The following TPH2 variants were observed in gnomAD, a reference collection of about 807,000 sequenced individuals.
The protein encoded by TPH2 is tryptophan hydroxylase 2, also known as tryptophan 5-hydroxylase 2.
A neutral mutation model predicts 59.1 loss-of-function variants in TPH2; 27 were observed. The ratio of observed to expected loss-of-function variants is 0.46; its 90% CI spans 0.34 to 0.63. The LOEUF (loss-of-function observed/expected upper bound fraction) is 0.63, where lower values mean the gene tolerates loss of function less well. Among genes scored for constraint, TPH2 ranks in the 30% least tolerant of loss-of-function variants. TPH2 has a pLI of 0.01. For missense variants in TPH2, 523 were observed against 588.3 expected (o/e 0.89, Z 1.15); for synonymous variants, 220 against 210.5 (o/e 1.05, Z -0.39).
chr12:72,015,540 C>T (rs1225656777), intron 8 of TPH2, among the ~76,000 whole-genome samples: 1 of 151,944 alleles, frequency 6.6e-6, no homozygotes, highest in Non-Finnish European at 1.5e-5. Context: ...AGGATGGTCT[C>T]GATCTCCTGA....
intron 5 of TPH2, among the ~76,000 whole-genome samples, chr12:71,959,391 G>A (rs115510172): frequency 0.048 from 7,326 of 152,180 alleles, 606 homozygotes; most frequent in African/African-American, 0.17. Flanking sequence ...CCTGCTTCTC[G>A]CGTCCTAGTG....
intron 9 of TPH2, among the ~76,000 whole-genome samples, chr12:72,023,821 GA>G (rs767208238): frequency 5.3e-3 from 149 of 27,932 alleles, no homozygotes; most frequent in African/African-American, 0.011. Flanking sequence ...GACTCTGACA[GA>G]AAAAAAAAAA....
At chr12:71,990,890 G>A (rs1243421795) in intron 7 of TPH2, among the ~76,000 whole-genome samples, 9 of 152,220 alleles carry the variant, frequency 5.9e-5, no homozygotes, top group Non-Finnish European at 1.2e-4. Flanking sequence ...ACAGAGCAAA[G>A]AGTATCTCTG....
At chr12:71,998,556 A>G (rs1415573658) in intron 8 of TPH2, among the ~76,000 whole-genome samples, 1 of 152,202 alleles carries the variant, frequency 6.6e-6, no homozygotes, top group Non-Finnish European at 1.5e-5. Context: ...CCTGGAATAA[A>G]TAACCTGTTG....
intron 4 of TPH2, among the ~76,000 whole-genome samples, chr12:71,945,673 C>T (rs188357590): frequency 1.8e-4 from 27 of 152,162 alleles, no homozygotes; most frequent in South Asian, 4.1e-4. Flanking sequence ...TTAACAAGCC[C>T]GCCCTTAAGT....
chr12:71,989,453 C>T (rs1348454823), intron 7 of TPH2, among the ~76,000 whole-genome samples: 1 of 152,228 alleles, frequency 6.6e-6, no homozygotes, highest in African/African-American at 2.4e-5. Flanking sequence ...CCTCCTGCTT[C>T]CTTTTATTAA....
chr12:72,021,527 C>T (rs915133114), intron 8 of TPH2, among the ~76,000 whole-genome samples: 3 of 151,612 alleles, frequency 2.0e-5, no homozygotes, highest in Admixed American at 6.6e-5. Context: ...TTTGGAATTT[C>T]GATCTTTTCA....
Position 71,959,925 on chromosome 12 carries a change from G to A in TPH2, c.608+10270G>A, listed in dbSNP as rs146638075. Among the ~76,000 whole-genome samples, 302 of 151,814 alleles carry A rather than the reference G, an allele frequency of 2.0e-3. 2 individuals carry two copies. The highest frequency in any genetic ancestry group is 6.3e-3 in the African/African-American group (260 of 41,368). On this transcript the variant is annotated intron_variant, in intron 5 of 10. Coordinates refer to ENST00000333850, the MANE Select transcript of TPH2 (RefSeq NM_173353.4). ...ACCAAGCTTTAATTTTTTTCCTTTC[G>A]CTGCCCTTTTGAGAAGAGGCACCTT...
intron 8 of TPH2, among the ~76,000 whole-genome samples, chr12:72,015,986 A>T (rs1215191394): frequency 6.6e-6 from 1 of 152,176 alleles, no homozygotes; most frequent in East Asian, 1.9e-4. Flanking sequence ...TGACTGACTG[A>T]TAGTGGCCTT....
Position 71,944,683 on chromosome 12 carries a change from C to T in TPH2, c.537C>T (p.His179=), listed in dbSNP as rs748827616. Residue 179 remains histidine (H), a synonymous_variant, in exon 4 of 11, where the codon CAC becomes CAT. Coordinates refer to ENST00000333850, the MANE Select transcript of TPH2 (RefSeq NM_173353.4). ...LMYGSELDAD[H]PGFKDNVYRQ... Reference sequence around the variant, plus strand: ...ATGGTTCTGAGCTTGATGCTGACCACCCAGTAAGTGTCCAGTAAAATCTAT... The same window carrying T: ...ATGGTTCTGAGCTTGATGCTGACCATCCAGTAAGTGTCCAGTAAAATCTAT... The T allele has an allele frequency of 3.1e-6, 5 of 1,613,432 alleles. No individual in the cohort carries two copies. Among genetic ancestry groups the T allele is most frequent in the Non-Finnish European group, 4.2e-6 (5 of 1,179,448 alleles).
At chr12:72,027,708 TCTTAA>T (rs1181227736) in intron 9 of TPH2, among the ~76,000 whole-genome samples, 1 of 152,154 alleles carries the variant, frequency 6.6e-6, no homozygotes, top group Non-Finnish European at 1.5e-5. Context: ...GGCAAATAAG[TCTTAA>T]CTTGTGCGCC....
At chr12:71,943,959 A>G (rs937698844) in intron 2 of TPH2, among the ~76,000 whole-genome samples, 3 of 152,110 alleles carry the variant, frequency 2.0e-5, no homozygotes, top group Admixed American at 6.5e-5. Context: ...ATAATAAATA[A>G]TTTTTTCCCC....
At chr12:71,964,746 G>C in intron 5 of TPH2, 1 of 985,298 alleles carries the variant, frequency 1.0e-6, no homozygotes. Flanking sequence ...ACAAATGCTT[G>C]ATAAGAGTTA....
Position 71,979,015 on chromosome 12 carries a change from G to A in TPH2, c.869G>A (p.Gly290Glu). The change falls in exon 7 of 11, where the codon GGA (glycine) becomes GAA (glutamate). Residue 290 changes from glycine to glutamate, a missense_variant. Physicochemically the swap from Gly to Glu is moderately conservative, Grantham distance 98. Coordinates refer to ENST00000333850, the MANE Select transcript of TPH2 (RefSeq NM_173353.4). ...GYLSPRDFLA[G>E]LAYRVFHCTQ... is the part of the protein sequence containing the mutation. ...CTGAGCCCACGAGACTTTCTGGCAG[G>A]ACTGGCCTACAGAGTGTTCCACTGT... 6.2e-7 allele frequency: 1 copy of A among 1,614,176 alleles called. No individual in the cohort carries two copies. The highest frequency in any genetic ancestry group is 8.5e-7 in the Non-Finnish European group (1 of 1,180,018).
chr12:72,027,028 C>G (rs1873589054), intron 9 of TPH2, among the ~76,000 whole-genome samples: 1 of 150,858 alleles, frequency 6.6e-6, no homozygotes, highest in Non-Finnish European at 1.5e-5. Flanking sequence ...AGGGCCCAAA[C>G]TATTCACAAA....
intron 9 of TPH2, among the ~76,000 whole-genome samples, chr12:72,023,158 G>T (rs1006529576): frequency 8.5e-5 from 13 of 152,078 alleles, no homozygotes; most frequent in African/African-American, 2.7e-4. Flanking sequence ...TTTAAGAATT[G>T]CCATTTATAC....
intron 7 of TPH2, among the ~76,000 whole-genome samples, chr12:71,986,134 T>G (rs554992731): frequency 6.6e-6 from 1 of 152,258 alleles, no homozygotes; most frequent in East Asian, 1.9e-4. Context: ...TGCCCAGAAA[T>G]GTAGGCCCCT....
intron 5 of TPH2, among the ~76,000 whole-genome samples, chr12:71,961,037 T>C (rs900712720): frequency 6.6e-6 from 1 of 152,210 alleles, no homozygotes; most frequent in Non-Finnish European, 1.5e-5. Context: ...CCTCACGATG[T>C]GAGAAGTCTT....
chr12:72,022,597 T>A (rs1873449995), intron 9 of TPH2, 103 bp downstream of exon 9: 3 of 958,446 alleles, frequency 3.1e-6, no homozygotes, highest in Non-Finnish European at 1.7e-6. Context: ...AGATACTCCA[T>A]AAATATTTAA....
Sources: gnomAD v4.1 joint callset for allele counts (sites outside exome capture counted in the v4.1 genomes callset) on GRCh38, gnomAD v4.1.1 for gene constraint, MANE v1.5 for transcripts, NCBI Gene and HGNC (gene_info 2026-07-23, HGNC 2026-07-21) for gene names.